Variants in CDC25C observed in about 807,000 individuals in gnomAD.
The protein encoded by CDC25C is cell division cycle 25C.
A neutral mutation model predicts 52.5 loss-of-function variants in CDC25C; 48 were observed. That is an observed-to-expected ratio of 0.91 (90% CI 0.72 to 1.16). CDC25C has a LOEUF of 1.16. Among genes scored for constraint, CDC25C ranks in the 50% most tolerant of loss-of-function variants. The pLI, the probability that CDC25C is intolerant of heterozygous loss-of-function variation, is 0.00. For synonymous variants in CDC25C, 187 were observed against 206.5 expected (o/e 0.91, Z 0.81); for missense variants, 510 against 566.1 (o/e 0.90, Z 1.01).
Position 138,292,503 on chromosome 5 carries a change from A to AC in CDC25C, c.616-388dup, listed in dbSNP as rs1756829765. Among the ~76,000 whole-genome samples the AC allele has an allele frequency of 2.0e-5, 3 of 151,376 alleles. No individual in the cohort carries two copies. The South Asian group carries it at 6.3e-4, about 32-fold the overall frequency. On this transcript the variant is annotated intron_variant, in intron 7 of 13. Transcript: ENST00000323760. ...ACCAAAAAAAAAAAAAAAAAAAAAA[A>AC]CATAAGTCCATTTTGTCTCTGGGAT...
At chr5:138,314,925 C>CTT (rs35443317) in intron 7 of CDC25C, among the ~76,000 whole-genome samples, 21 of 90,824 alleles carry the variant, frequency 2.3e-4, no homozygotes, top group African/African-American at 3.4e-4. Flanking sequence ...CCAGCCAGCA[C>CTT]TTTTTTTTTT....
intron 6 of CDC25C, among the ~76,000 whole-genome samples, chr5:138,323,954 T>G (rs561964036): frequency 7.6e-6 from 1 of 131,246 alleles, no homozygotes; most frequent in African/African-American, 3.1e-5. Flanking sequence ...CAAGATTCCA[T>G]CTCAAAAAAA....
At chr5:138,305,951 A>G (rs1305855100) in intron 7 of CDC25C, among the ~76,000 whole-genome samples, 2 of 152,188 alleles carry the variant, frequency 1.3e-5, no homozygotes, top group African/African-American at 4.8e-5. Flanking sequence ...CACAGTAGAG[A>G]ATATACTAGG....
At chr5:138,325,715 C>T in intron 6 of CDC25C, 100 bp downstream of exon 6, 1 of 791,920 alleles carries the variant, frequency 1.3e-6, no homozygotes, top group Non-Finnish European at 2.1e-6. Context: ...CCTTGTCTAG[C>T]ATACGAGGTA....
intron 5 of CDC25C, 24 bp downstream of exon 5, chr5:138,325,997 C>T (rs770277744): frequency 3.1e-6 from 5 of 1,614,040 alleles, no homozygotes; most frequent in Non-Finnish European, 3.4e-6. Context: ...CAAAACAAAA[C>T]CCAAAAAAAG....
exon 1 of CDC25C, chr5:138,338,170 G>GA (rs930943140): frequency 1.7e-4 from 213 of 1,289,502 alleles, no homozygotes; most frequent in Non-Finnish European, 2.1e-4. Context: ...GGCTTGGGGG[G>GA]ATTCTGCGAG....
intron 6 of CDC25C, among the ~76,000 whole-genome samples, chr5:138,320,322 CAAAAT>C (rs1759260248): frequency 6.6e-6 from 1 of 151,396 alleles, no homozygotes; most frequent in Non-Finnish European, 1.5e-5. Context: ...AAAAAATACA[CAAAAT>C]AAAATAAAAG....
chr5:138,326,110 C>T (rs2126825431), intron 4 of CDC25C, 56 bp from the exon 5 acceptor site: 1 of 1,574,954 alleles, frequency 6.3e-7, no homozygotes, highest in East Asian at 2.2e-5. Context: ...TTTGATTATT[C>T]TTCAGTGGAT....
At chr5:138,307,605 A>T (rs1758121778) in intron 7 of CDC25C, among the ~76,000 whole-genome samples, 1 of 151,906 alleles carries the variant, frequency 6.6e-6, no homozygotes, top group African/African-American at 2.4e-5. Context: ...ATTTTAAAAC[A>T]TTTTTTATTT....
intron 7 of CDC25C, among the ~76,000 whole-genome samples, chr5:138,305,410 A>G (rs1312414567): frequency 2.0e-5 from 3 of 151,988 alleles, no homozygotes; most frequent in African/African-American, 7.3e-5. Flanking sequence ...AATTATTATT[A>G]TTATTATTAG....
chr5:138,319,960 G>A (rs1759217144), intron 6 of CDC25C, among the ~76,000 whole-genome samples: 2 of 152,170 alleles, frequency 1.3e-5, no homozygotes, highest in Admixed American at 1.3e-4. Context: ...AAAATTAAAT[G>A]TAGAATTATC....
intron 6 of CDC25C, among the ~76,000 whole-genome samples, chr5:138,322,032 T>A (rs1759447295): frequency 6.6e-6 from 1 of 152,042 alleles, no homozygotes; most frequent in Non-Finnish European, 1.5e-5. Context: ...TACAGAGACA[T>A]GCTTTGTCGC....
exon 1 of CDC25C, chr5:138,338,048 TAGTG>T: frequency 7.8e-7 from 1 of 1,289,626 alleles, no homozygotes. Context: ...GGTGACTCGT[TAGTG>T]AGGAAACCAC....
intron 7 of CDC25C, among the ~76,000 whole-genome samples, chr5:138,310,965 G>A (rs1758407520): frequency 6.6e-6 from 1 of 152,216 alleles, no homozygotes; most frequent in African/African-American, 2.4e-5. Flanking sequence ...TAAACAGTGT[G>A]GCACTGGCAT....
At chr5:138,296,688 C>T (rs1346776381) in intron 7 of CDC25C, among the ~76,000 whole-genome samples, 3 of 151,104 alleles carry the variant, frequency 2.0e-5, no homozygotes, top group Non-Finnish European at 4.4e-5. Context: ...TCCCTGCAAG[C>T]TCCGCCTCCC....
chr5:138,285,807 T>C lies in CDC25C; in HGVS notation c.1307A>G (p.His436Arg). 1 of 1,614,188 alleles carries C rather than the reference T, an allele frequency of 6.2e-7. No homozygotes were observed. The highest frequency in any genetic ancestry group is 8.5e-7 in the Non-Finnish European group (1 of 1,180,022). ...LCEPQSYCPM[H>R]HQDHKTELLR... ...CAACTCAGTCTTGTGGTCCTGATGA[T>C]GCATAGGGCAGTAGCTCTGTGGTTC... is the stretch of plus-strand genomic sequence containing the variant. The change falls in exon 14 of 14, where the codon CAT (histidine) becomes CGT (arginine). Residue 436 changes from histidine (H) to arginine (R), a missense_variant. His to Arg is a conservative substitution (Grantham distance 29). Transcript: ENST00000323760.
At chr5:138,324,739 C>T (rs1405446680) in intron 6 of CDC25C, among the ~76,000 whole-genome samples, 1 of 147,080 alleles carries the variant, frequency 6.8e-6, no homozygotes, top group Non-Finnish European at 1.5e-5. Context: ...CCCTGGGGAA[C>T]AAGAGCAAAA....
chr5:138,334,861 G>A (rs1760608104), upstream of CDC25C, among the ~76,000 whole-genome samples: 1 of 152,172 alleles, frequency 6.6e-6, no homozygotes, highest in African/African-American at 2.4e-5. Flanking sequence ...GATTTATGAG[G>A]GTGTTGGAAT....
intron 6 of CDC25C, among the ~76,000 whole-genome samples, chr5:138,320,688 C>T (rs1212309969): frequency 6.6e-6 from 1 of 151,278 alleles, no homozygotes; most frequent in African/African-American, 2.4e-5. Context: ...TTGAGGTGGG[C>T]AGATCACATG....
Sources: gnomAD v4.1 joint callset for allele counts (sites outside exome capture counted in the v4.1 genomes callset) on GRCh38, gnomAD v4.1.1 for gene constraint, MANE v1.5 for transcripts, NCBI Gene and HGNC (gene_info 2026-07-23, HGNC 2026-07-21) for gene names.